The following STK31 variants were observed in gnomAD, a reference collection of about 807,000 sequenced individuals.
STK31 encodes serine/threonine-protein kinase 31.
Under a neutral mutation model 129.7 loss-of-function variants are expected in STK31, and 89 were observed. That is an observed-to-expected ratio of 0.69 (90% CI 0.58 to 0.82). STK31 has a LOEUF of 0.82. Ranked by LOEUF, STK31 falls within the 40% of genes least tolerant of loss-of-function variation. The pLI is 0.00. For missense variants in STK31, 1,187 were observed against 1,176.4 expected, an observed-to-expected ratio of 1.01 and a Z score of -0.13; for synonymous variants, 448 against 395.3, an observed-to-expected ratio of 1.13 and a Z score of -1.58.
At chr7:23,808,968 T>TGTGTGTGTGTGTGTGTGTGTGTGC (rs1562621496) in intron 22 of STK31, among the ~76,000 whole-genome samples, 1 of 130,554 alleles carries the variant, frequency 7.7e-6, no homozygotes, top group East Asian at 2.3e-4. Flanking sequence ...TGTGTGTGTG[T>TGTGTGTGTGTGTGTGTGTGTGTGC]GTGCCTGTGT....
rs760869381 is a variant in STK31, at chr7:23,786,587, A to T, written c.2354A>T (p.Glu785Val). ...ATYHRAWREA[E>V]GDSGLLPLIF... ...TACCATAGAGCTTGGAGAGAAGCTG[A>T]AGGAGACTCAGGGTTACTGCCATTG... Residue 785 changes from glutamate to valine, a missense_variant, in exon 19 of 24, where the codon GAA becomes GTA. By Grantham distance (121) the Glu-to-Val change is moderately radical. Transcript: ENST00000355870. 13 of 1,613,814 alleles carry T rather than the reference A, an allele frequency of 8.1e-6. No homozygotes were observed. The Admixed American group carries it at 2.0e-4, about 25-fold the overall frequency.
chr7:23,711,443 C>A (rs79716201), intron 1 of STK31, among the ~76,000 whole-genome samples: 7,918 of 88,118 alleles, frequency 0.09, 408 homozygotes, highest in African/African-American at 0.29. Context: ...AAAAAAAAAA[C>A]CCATAAAAAA....
chr7:23,776,537 C>T (rs1476524457), intron 15 of STK31, among the ~76,000 whole-genome samples: 1 of 152,134 alleles, frequency 6.6e-6, no homozygotes, highest in Non-Finnish European at 1.5e-5. Flanking sequence ...AGGGATTCGA[C>T]TTCTTCCTGA....
chr7:23,787,485 G>A (rs528207433), intron 20 of STK31, among the ~76,000 whole-genome samples: 5 of 152,098 alleles, frequency 3.3e-5, no homozygotes, highest in Non-Finnish European at 4.4e-5. Flanking sequence ...CGGCACAGCA[G>A]GAGGTGAGTG....
chr7:23,811,556 A>G (rs976148823), intron 22 of STK31: 16 of 219,552 alleles, frequency 7.3e-5, no homozygotes, highest in Non-Finnish European at 1.4e-4. Flanking sequence ...CTTACTGACC[A>G]TCTTCCTCTC....
At chr7:23,774,751 C>A (rs1790430918) in intron 15 of STK31, among the ~76,000 whole-genome samples, 1 of 152,128 alleles carries the variant, frequency 6.6e-6, no homozygotes, top group Non-Finnish European at 1.5e-5. Flanking sequence ...ATAGTAGTTT[C>A]TTTTGCTGTG....
In STK31 at chr7:23,710,262, C is replaced by T. The variant is rs772803310; in HGVS notation, c.-24C>T. The stretch of plus-strand genomic sequence containing the variant: ...GTAAGCCGCTGCACGTGTGCTACGG[C>T]GGGCGGAGGGCCGAAAGTCCAGTAT... On this transcript the variant is annotated 5_prime_UTR_variant, in exon 1 of 24. Transcript: ENST00000355870. The T allele has an allele frequency of 1.4e-5, 23 of 1,609,066 alleles. No homozygotes were observed. The East Asian group carries it at 3.8e-4, about 27-fold the overall frequency.
At position 23,754,732 on chromosome 7, in the gene STK31, G is replaced by A. The variant is rs1433019939; in HGVS notation, c.1293+258G>A. 2.6e-5 allele frequency among the ~76,000 whole-genome samples: 4 copies of A among 152,046 alleles called. No individual in the cohort carries two copies. The East Asian group carries it at 5.8e-4, about 22-fold the overall frequency. ...TTCTCAATGTTCAACTCCCACTTAC[G>A]AGTGAGAACATGTAGTGTTTGGTTT... On this transcript the variant is annotated intron_variant, in intron 10 of 23. Coordinates refer to ENST00000355870, the MANE Select transcript of STK31 (RefSeq NM_031414.5).
intron 15 of STK31, 144 bp downstream of exon 15, chr7:23,772,422 T>G (rs975580293): frequency 2.5e-6 from 2 of 799,906 alleles, no homozygotes; most frequent in African/African-American, 1.8e-5. Context: ...TTATCTTGTT[T>G]TCTGTGTATA....
chr7:23,789,119 A>C (rs1171070904), intron 21 of STK31, among the ~76,000 whole-genome samples: 3 of 152,246 alleles, frequency 2.0e-5, no homozygotes, highest in Middle Eastern at 3.4e-3. Flanking sequence ...CACGTTATTG[A>C]CTGTATCAAA....
intron 4 of STK31, among the ~76,000 whole-genome samples, 199 bp from the exon 5 acceptor site, chr7:23,727,042 G>T (rs950816895): frequency 2.0e-5 from 3 of 152,058 alleles, no homozygotes; most frequent in Non-Finnish European, 4.4e-5. Context: ...TTGAATCTTG[G>T]TTCTGCAGTT....
intron 16 of STK31, among the ~76,000 whole-genome samples, chr7:23,782,912 G>A (rs762368291): frequency 5.8e-4 from 88 of 152,064 alleles, no homozygotes; most frequent in Middle Eastern, 6.8e-3. Context: ...CAAGATTTGT[G>A]CTTATGTATG....
In STK31 at chr7:23,771,073, A is replaced by C. The variant is rs779283736; in HGVS notation, c.1782A>C (p.Ser594=). ...GTCAAGTACTGCAAAAGATTCATTC[A>C]GAGGAAAGGCTCATTGCCACAGTAC... The part of the protein sequence containing the change: ...TYSQVLQKIH[S]EERLIATVQA... The change falls in exon 14 of 24, where the codon TCA becomes TCC. Residue 594 remains serine, a synonymous_variant. Transcript: ENST00000355870. 6.2e-7 allele frequency: 1 copy of C among 1,613,132 alleles called. No individual in the cohort carries two copies. The highest frequency in any genetic ancestry group is 1.1e-5 in the South Asian group (1 of 91,010).
intron 1 of STK31, 194 bp downstream of exon 1, chr7:23,710,529 T>C: frequency 6.9e-7 from 1 of 1,443,080 alleles, no homozygotes; most frequent in East Asian, 2.5e-5. Flanking sequence ...CGAAAGTGGC[T>C]CGAAAAGACC....
intron 7 of STK31, 106 bp from the exon 8 acceptor site, chr7:23,736,798 A>G: frequency 1.2e-6 from 1 of 863,828 alleles, no homozygotes; most frequent in East Asian, 3.1e-5. Context: ...TTCAAAATTA[A>G]CTTTCAGATA....
At chr7:23,711,361 C>G (rs1785948830) in intron 1 of STK31, among the ~76,000 whole-genome samples, 1 of 151,356 alleles carries the variant, frequency 6.6e-6, no homozygotes, top group Admixed American at 6.6e-5. Context: ...TGCTTGAACC[C>G]GGGGGGTGGA....
At position 23,741,184 on chromosome 7, in the gene STK31, C is replaced by G. The variant is rs748593902; in HGVS notation, c.1017+4106C>G. On this transcript the variant is annotated intron_variant, in intron 8 of 23. Transcript: ENST00000355870. ...AGTAGTCTGATAGCTTCCTTGTTTT[C>G]TGGTGTCACAAGATGTTCCATACTC... Among the ~76,000 whole-genome samples the G allele has an allele frequency of 2.6e-5, 4 of 152,252 alleles. 1 individual carries two copies. The highest frequency in any genetic ancestry group is 4.1e-4 in the South Asian group (2 of 4,824).
intron 23 of STK31, among the ~76,000 whole-genome samples, chr7:23,819,912 C>G (rs973266211): frequency 6.6e-5 from 10 of 151,970 alleles, no homozygotes; most frequent in Admixed American, 5.2e-4. Flanking sequence ...AGAGGTGATC[C>G]TAGAGAGTGA....
chr7:23,763,620 C>G (rs1001110791), intron 11 of STK31, among the ~76,000 whole-genome samples: 3 of 151,246 alleles, frequency 2.0e-5, no homozygotes, highest in African/African-American at 7.3e-5. Context: ...TTGTCATTTC[C>G]TAGTTTTGAT....
Sources: gnomAD v4.1 joint callset for allele counts (sites outside exome capture counted in the v4.1 genomes callset) on GRCh38, gnomAD v4.1.1 for gene constraint, MANE v1.5 for transcripts, NCBI Gene and HGNC (gene_info 2026-07-23, HGNC 2026-07-21) for gene names.